The following EVI5 variants were observed in gnomAD, a reference collection of about 807,000 sequenced individuals.
EVI5 encodes the protein ecotropic viral integration site 5 protein homolog.
EVI5 carries 73 observed loss-of-function variants against 112.0 expected under a neutral mutation model. That is an observed-to-expected ratio of 0.65 (90% CI 0.54 to 0.79). The LOEUF (loss-of-function observed/expected upper bound fraction) is 0.79. Ranked by LOEUF, EVI5 falls within the 30% of genes least tolerant of loss-of-function variation. The pLI is 0.00. For missense variants in EVI5, 900 were observed against 968.8 expected, an observed-to-expected ratio of 0.93 and a Z score of 0.94; for synonymous variants, 305 against 319.9, an observed-to-expected ratio of 0.95 and a Z score of 0.50.
At chr1:92,659,367 A>T (rs1663578485) in intron 13 of EVI5, among the ~76,000 whole-genome samples, 1 of 152,178 alleles carries the variant, frequency 6.6e-6, no homozygotes, top group Non-Finnish European at 1.5e-5. Context: ...CAAAAGACAA[A>T]TATCCAGAAT....
At chr1:92,554,541 C>A (rs1231792393) in intron 19 of EVI5, among the ~76,000 whole-genome samples, 1 of 152,142 alleles carries the variant, frequency 6.6e-6, no homozygotes. Flanking sequence ...TTACATAGCG[C>A]TATTGTTCCA....
At chr1:92,698,708 C>T (rs1670680337) in intron 5 of EVI5, among the ~76,000 whole-genome samples, 1 of 152,138 alleles carries the variant, frequency 6.6e-6, no homozygotes. Flanking sequence ...AGGATTTCGA[C>T]TTTTACCTTA....
chr1:92,670,330 C>G (rs974892865), intron 10 of EVI5, among the ~76,000 whole-genome samples: 1 of 152,214 alleles, frequency 6.6e-6, no homozygotes, highest in Non-Finnish European at 1.5e-5. Context: ...CCAGCTTACT[C>G]AGTTTACAAA....
At position 92,703,542 on chromosome 1, in the gene EVI5, T is replaced by A. The variant is rs1245948307; in HGVS notation, c.417A>T (p.Pro139=). 6.2e-7 allele frequency: 1 copy of A among 1,601,780 alleles called. No homozygotes were observed. Among genetic ancestry groups the A allele is most frequent in the African/African-American group, 1.3e-5 (1 of 74,172 alleles). The change falls in exon 4 of 20, where the codon CCA becomes CCT. Residue 139 remains proline, a synonymous_variant. Transcript: ENST00000684568. The part of the protein sequence containing the change: ...WQLLCSAQSM[P]IKDQYSELLK... ...GGAGTTCTGAATACTGATCCTTAAT[T>A]GGCATACTTTGTGCACTGCATAAAA...
rs1438171530 is a variant in EVI5, at chr1:92,785,080, G to C, written c.-326C>G. ...CCAGCTGGCCAGCTGGTTCCTCCGG[G>C]GTCCGGCCCGGCCGCGTCAGGAGAG... is the stretch of plus-strand genomic sequence containing the variant. On this transcript the variant is annotated 5_prime_UTR_variant, in exon 1 of 20. Coordinates refer to ENST00000684568, the MANE Select transcript of EVI5 (RefSeq NM_001350197.2). 2.0e-6 allele frequency: 2 copies of C among 985,458 alleles called. No individual in the cohort carries two copies. Among genetic ancestry groups the C allele is most frequent in the South Asian group, 4.7e-5 (1 of 21,278 alleles). 61.0% of individuals were successfully genotyped at this position (985,458 alleles called of 1,614,324 possible).
At chr1:92,705,340 CT>C (rs1484945794) in intron 2 of EVI5, among the ~76,000 whole-genome samples, 1 of 152,222 alleles carries the variant, frequency 6.6e-6, no homozygotes, top group Non-Finnish European at 1.5e-5. Context: ...TGCATTTATA[CT>C]TTATTTATAA....
intron 13 of EVI5, among the ~76,000 whole-genome samples, chr1:92,652,194 A>G (rs950612712): frequency 6.6e-6 from 1 of 152,252 alleles, no homozygotes; most frequent in Non-Finnish European, 1.5e-5. Context: ...GATACCTGTT[A>G]TAACAATGAT....
intron 18 of EVI5, among the ~76,000 whole-genome samples, chr1:92,580,182 C>T (rs1051794863): frequency 2.6e-5 from 4 of 152,068 alleles, no homozygotes; most frequent in Non-Finnish European, 5.9e-5. Flanking sequence ...TTTTTTTCAG[C>T]AAAATTCTAG....
intron 1 of EVI5, among the ~76,000 whole-genome samples, chr1:92,780,655 T>C (rs921071367): frequency 2.0e-5 from 3 of 152,050 alleles, no homozygotes; most frequent in Admixed American, 1.3e-4. Context: ...ACAGTGCAGA[T>C]GGACAAGGAT....
At chr1:92,645,340 C>T (rs1370106247) in intron 13 of EVI5, among the ~76,000 whole-genome samples, 2 of 152,060 alleles carry the variant, frequency 1.3e-5, no homozygotes, top group African/African-American at 2.4e-5. Context: ...ATTAGATTTC[C>T]ATATTATATC....
chr1:92,526,345 C>T (rs771031536), intron 19 of EVI5, among the ~76,000 whole-genome samples: 3 of 152,172 alleles, frequency 2.0e-5, no homozygotes, highest in South Asian at 2.1e-4. Context: ...AGGCATAAGC[C>T]GCCGTGCCCA....
intron 10 of EVI5, among the ~76,000 whole-genome samples, chr1:92,668,831 TA>T (rs1665363355): frequency 6.6e-6 from 1 of 152,242 alleles, no homozygotes; most frequent in Non-Finnish European, 1.5e-5. Context: ...AGTATTTTGG[TA>T]ATTATAGCTT....
At chr1:92,672,708 G>A (rs1666073553) in intron 10 of EVI5, among the ~76,000 whole-genome samples, 1 of 152,044 alleles carries the variant, frequency 6.6e-6, no homozygotes, top group Non-Finnish European at 1.5e-5. Context: ...GGGCATCTAG[G>A]AGGCACTATG....
intron 2 of EVI5, among the ~76,000 whole-genome samples, chr1:92,714,703 C>T (rs1312937294): frequency 1.3e-5 from 2 of 152,128 alleles, no homozygotes; most frequent in Non-Finnish European, 2.9e-5. Flanking sequence ...AATACTTCTG[C>T]CTCAGCCTCC....
intron 13 of EVI5, among the ~76,000 whole-genome samples, chr1:92,639,239 T>C (rs908006834): frequency 1.3e-5 from 2 of 152,150 alleles, no homozygotes; most frequent in African/African-American, 4.8e-5. Flanking sequence ...TGTGCTTTTC[T>C]GGTGTTGCAA....
intron 1 of EVI5, among the ~76,000 whole-genome samples, chr1:92,780,347 A>T (rs1684706066): frequency 6.6e-6 from 1 of 152,248 alleles, no homozygotes; most frequent in Non-Finnish European, 1.5e-5. Context: ...TACACCTGTG[A>T]GACTCCAGAC....
chr1:92,524,329 A>AGGGTAAATAAATTTAGATGTAAAGATTC (rs1661484291), intron 19 of EVI5, among the ~76,000 whole-genome samples: 1 of 152,142 alleles, frequency 6.6e-6, no homozygotes, highest in Non-Finnish European at 1.5e-5. Flanking sequence ...AAATCTGATA[A>AGGGTAAATAAATTTAGATGTAAAGATTC]GGGTAAATAA....
intron 18 of EVI5, among the ~76,000 whole-genome samples, chr1:92,589,663 T>A (rs1673437039): frequency 6.6e-6 from 1 of 152,210 alleles, no homozygotes; most frequent in Admixed American, 6.5e-5. Flanking sequence ...GAGGCCTGCC[T>A]GCCTCTGTAG....
rs990071171 is a variant in EVI5, at chr1:92,666,263, G to A, written c.1159-271C>T. ...GATGAGCCTGAGTCTGGGCAACATG[G>A]CGAAACCTCGTCTCTATGAAAACTA... On this transcript the variant is annotated intron_variant, in intron 10 of 19. Transcript: ENST00000684568. 8.6e-5 allele frequency among the ~76,000 whole-genome samples: 13 copies of A among 151,936 alleles called. 1 individual carries two copies. Among genetic ancestry groups the A allele is most frequent in the Admixed American group, 7.9e-4 (12 of 15,238 alleles).
Sources: gnomAD v4.1 joint callset for allele counts (sites outside exome capture counted in the v4.1 genomes callset) on GRCh38, gnomAD v4.1.1 for gene constraint, MANE v1.5 for transcripts, NCBI Gene and HGNC (gene_info 2026-07-23, HGNC 2026-07-21) for gene names.